The following ITGA4 variants were observed in gnomAD, a reference collection of about 807,000 sequenced individuals.
ITGA4 encodes integrin alpha-4.
A neutral mutation model predicts 133.6 loss-of-function variants in ITGA4; 63 were observed. That is an observed-to-expected ratio of 0.47 (90% CI 0.38 to 0.58). The LOEUF (loss-of-function observed/expected upper bound fraction) is 0.58, where lower values mean the gene tolerates loss of function less well. Ranked by LOEUF, ITGA4 falls within the 20% of genes least tolerant of loss-of-function variation. The pLI is 0.00. For missense variants in ITGA4, 1,076 were observed against 1,252.7 expected (o/e 0.86, Z 2.13); for synonymous variants, 483 against 438.0 (o/e 1.10, Z -1.28).
At chr2:181,504,065 GAGA>G (rs1686340082) in intron 15 of ITGA4, among the ~76,000 whole-genome samples, 1 of 152,014 alleles carries the variant, frequency 6.6e-6, no homozygotes, top group Non-Finnish European at 1.5e-5. Context: ...TATTTGAGAG[GAGA>G]AGAAGGGTGC....
intron 2 of ITGA4, chr2:181,459,334 C>G (rs1016617057): frequency 6.6e-6 from 1 of 152,150 alleles, no homozygotes; most frequent in African/African-American, 2.4e-5. Context: ...AATATGTTGT[C>G]TGCTGAGCTG....
chr2:181,476,313 A>G (rs1435723911), intron 4 of ITGA4: 1 of 152,550 alleles, frequency 6.6e-6, no homozygotes, highest in African/African-American at 2.4e-5. Flanking sequence ...ATACATAGCC[A>G]CATACTACAA....
At chr2:181,488,436 A>G (rs1685968035) in intron 10 of ITGA4, among the ~76,000 whole-genome samples, 1 of 152,118 alleles carries the variant, frequency 6.6e-6, no homozygotes, top group South Asian at 2.1e-4. Context: ...ATTCCTGCAT[A>G]TTTTTGTGCT....
chr2:181,527,599 C>T, intron 22 of ITGA4: 2 of 484,750 alleles, frequency 4.1e-6, no homozygotes, highest in East Asian at 3.7e-5. Flanking sequence ...CCCATATTTC[C>T]TTACAGGACA....
chr2:181,486,423 C>T (rs1430236669), intron 10 of ITGA4: 2 of 153,132 alleles, frequency 1.3e-5, no homozygotes, highest in Admixed American at 1.3e-4. Flanking sequence ...TGACCAAACC[C>T]AACAGAGGCT....
At chr2:181,517,541 TGAA>T (rs1264167413) in intron 17 of ITGA4, among the ~76,000 whole-genome samples, 1 of 152,098 alleles carries the variant, frequency 6.6e-6, no homozygotes, top group Admixed American at 6.6e-5. Flanking sequence ...CATGTTTTAA[TGAA>T]GAATGAACTA....
rs1218009034 is a variant in ITGA4 at position 181,538,507 on chromosome 2, A to AGTCAGTTAT, written c.*2980_*2981insGTCAGTTAT. Among the ~76,000 whole-genome samples the AGTCAGTTAT allele has an allele frequency of 4.0e-5, 1 of 25,270 alleles. No homozygotes were observed. The highest frequency in any genetic ancestry group is 1.8e-4 in the African/African-American group (1 of 5,544). 16.6% of individuals were successfully genotyped at this position (25,270 alleles called of 152,430 possible). A position where few individuals can be genotyped will look rare whatever the true frequency, so the allele number is the denominator to read the frequency against. On this transcript the variant is annotated 3_prime_UTR_variant, in exon 28 of 28. Transcript: ENST00000397033. ...AAACAGTCAGTTATGCCTCTAGAAC[A>AGTCAGTTAT]CCCATGTCTAGTGGGCACCCCTGCA...
chr2:181,464,094 A>G (rs987382548), intron 2 of ITGA4, among the ~76,000 whole-genome samples: 1 of 152,122 alleles, frequency 6.6e-6, no homozygotes, highest in Non-Finnish European at 1.5e-5. Flanking sequence ...AGAGGCTGAA[A>G]AAAAGGCTAA....
In ITGA4 at chr2:181,530,524, A is replaced by AC; in HGVS notation, c.2540dup (p.Thr848TyrfsTer8). 1 of 1,610,806 alleles carries AC rather than the reference A, an allele frequency of 6.2e-7. No individual in the cohort carries two copies. Among genetic ancestry groups the AC allele is most frequent in the Non-Finnish European group, 8.5e-7 (1 of 1,177,826 alleles). ...TTTCTCTTGCTTTCTGTCTTCATAG[A>AC]CTACTACTGGAGAATGCCACTTTGA... On this transcript the variant is annotated frameshift_variant and splice_region_variant, in exon 24 of 28. Coordinates refer to ENST00000397033, the MANE Select transcript of ITGA4 (RefSeq NM_000885.6). LOFTEE classifies it high-confidence loss of function.
At chr2:181,527,214 T>C (rs1309213246) in intron 21 of ITGA4, 83 bp from the exon 22 acceptor site, 2 of 773,092 alleles carry the variant, frequency 2.6e-6, no homozygotes, top group African/African-American at 1.8e-5. Flanking sequence ...GTAAATATGC[T>C]ATAATCCAGA....
chr2:181,511,739 C>A lies in ITGA4; in HGVS notation c.1886C>A (p.Ala629Asp). 6.3e-7 allele frequency: 1 copy of A among 1,598,064 alleles called. No individual in the cohort carries two copies. The highest frequency in any genetic ancestry group is 8.6e-7 in the Non-Finnish European group (1 of 1,166,100). The stretch of plus-strand genomic sequence containing the variant: ...TTTTGTGCCCATGAAAATTGTTCTG[C>A]TGATTTACAGGTTTCTGCAAAGATT... Reference protein sequence around the residue: ...ARFCAHENCSADLQVSAKIGF... With the variant: ...ARFCAHENCSDDLQVSAKIGF... The change falls in exon 17 of 28, where the codon GCT becomes GAT. Residue 629 changes from alanine (A) to aspartate (D), a missense_variant. Ala to Asp is a moderately radical substitution (Grantham distance 126). Transcript: ENST00000397033.
At chr2:181,512,777 ACT>A (rs1210133703) in intron 17 of ITGA4, among the ~76,000 whole-genome samples, 1 of 152,094 alleles carries the variant, frequency 6.6e-6, no homozygotes, top group African/African-American at 2.4e-5. Context: ...TTAAGATAGA[ACT>A]CTCAGTGCAG....
At chr2:181,525,550 A>T (rs548142590) in intron 21 of ITGA4, among the ~76,000 whole-genome samples, 23 of 152,340 alleles carry the variant, frequency 1.5e-4, no homozygotes, top group Admixed American at 1.4e-3. Context: ...ACAAGCTAGC[A>T]AGGCCACACT....
At chr2:181,531,825 A>C (rs1331480838) in intron 25 of ITGA4, 49 bp downstream of exon 25, 1 of 1,427,094 alleles carries the variant, frequency 7.0e-7, no homozygotes, top group Admixed American at 2.2e-5. Context: ...TTTACATAAA[A>C]TCTATAAATT....
intron 17 of ITGA4, among the ~76,000 whole-genome samples, chr2:181,517,065 A>G (rs1410699122): frequency 6.6e-6 from 1 of 151,978 alleles, no homozygotes; most frequent in Non-Finnish European, 1.5e-5. Flanking sequence ...ATGTCAGGTA[A>G]CCTGTCTATT....
chr2:181,494,679 A>G lies in ITGA4; in HGVS notation c.1249-43A>G, dbSNP rs748439416. On this transcript the variant is annotated intron_variant, in intron 11 of 27. Coordinates refer to ENST00000397033, the MANE Select transcript of ITGA4 (RefSeq NM_000885.6). ...TAAATCATTGCTTCTCTGGTATATT[A>G]GTATTCAAAAACTACTTCCCACTCA... 1.6e-5 allele frequency: 15 copies of G among 947,702 alleles called. No homozygotes were observed. In the East Asian group the frequency reaches 3.1e-4, roughly 20 times the overall value. 58.7% of individuals were successfully genotyped at this position (947,702 alleles called of 1,614,324 possible). A position where few individuals can be genotyped will look rare whatever the true frequency, so the allele number is the denominator to read the frequency against.
chr2:181,531,914 T>C, intron 25 of ITGA4, 138 bp downstream of exon 25: 1 of 535,572 alleles, frequency 1.9e-6, no homozygotes, highest in Non-Finnish European at 3.2e-6. Context: ...ACTCTAAAAC[T>C]GTATTTCTAT....
At position 181,516,562 on chromosome 2, in the gene ITGA4, G is replaced by A. The variant is rs1056834786; in HGVS notation, c.1922+4787G>A. ...CAGGAAGGGCAGTGCCTCATTTGATGTATTCTGATTAACCAGACGTGTGTT... is the reference window on the plus strand; with the variant it reads ...CAGGAAGGGCAGTGCCTCATTTGATATATTCTGATTAACCAGACGTGTGTT... On this transcript the variant is annotated intron_variant, in intron 17 of 27. Coordinates refer to ENST00000397033, the MANE Select transcript of ITGA4 (RefSeq NM_000885.6). The surrounding 1 kb of genome is among the most constrained non-coding windows in gnomAD (Gnocchi z 4.0). Among the ~76,000 whole-genome samples, 1 of 151,976 alleles carries A rather than the reference G, an allele frequency of 6.6e-6. No homozygotes were observed. Among genetic ancestry groups the A allele is most frequent in the Non-Finnish European group, 1.5e-5 (1 of 67,988 alleles).
chr2:181,517,033 G>C (rs781309598), intron 17 of ITGA4, among the ~76,000 whole-genome samples: 102 of 152,084 alleles, frequency 6.7e-4, no homozygotes, highest in South Asian at 1.2e-3. Context: ...GAGTTTGCCT[G>C]TCTTTAATAA....
Sources: gnomAD v4.1 joint callset for allele counts (sites outside exome capture counted in the v4.1 genomes callset) on GRCh38, gnomAD v4.1.1 for gene constraint, Gnocchi (gnomAD v3.1) non-coding constraint, MANE v1.5 for transcripts, NCBI Gene and HGNC (gene_info 2026-07-23, HGNC 2026-07-21) for gene names.